The following FBXO34 variants were observed in gnomAD, a reference collection of about 807,000 sequenced individuals.
FBXO34 encodes the protein F-box protein 34.
Under a neutral mutation model 24.5 loss-of-function variants are expected in FBXO34, and 12 were observed. The observed-to-expected ratio is 0.49, with a 90% CI of 0.31 to 0.79. The LOEUF (loss-of-function observed/expected upper bound fraction) is 0.79, where lower values mean the gene tolerates loss of function less well. Ranked by LOEUF, FBXO34 falls within the 30% of genes least tolerant of loss-of-function variation. The pLI, the probability that FBXO34 is intolerant of heterozygous loss-of-function variation, is 0.04. For synonymous variants in FBXO34, 320 were observed against 311.9 expected (o/e 1.03, Z -0.27); for missense variants, 823 against 857.7 (o/e 0.96, Z 0.51).
downstream of FBXO34, chr14:55,370,055 A>G (rs10136596): frequency 0.42 from 324,769 of 772,688 alleles, 69,317 homozygotes; most frequent in South Asian, 0.44. Flanking sequence ...CCCCAAGTCT[A>G]TGCAGCACTC....
At chr14:55,346,551 A>G (rs1884166759) in intron 1 of FBXO34, among the ~76,000 whole-genome samples, 1 of 152,176 alleles carries the variant, frequency 6.6e-6, no homozygotes, top group African/African-American at 2.4e-5. Flanking sequence ...GTCACTGGAA[A>G]TGTTTGAGTT....
chr14:55,320,856 A>G (rs1254014346), intron 1 of FBXO34, among the ~76,000 whole-genome samples: 1 of 152,266 alleles, frequency 6.6e-6, no homozygotes, highest in East Asian at 1.9e-4. Flanking sequence ...TACTGTTGAG[A>G]TAGCAGATGG....
the FBXO34 span, among the ~76,000 whole-genome samples, chr14:55,387,931 G>A: frequency 2.0e-5 from 3 of 152,120 alleles, no homozygotes; most frequent in Non-Finnish European, 4.4e-5. Context: ...CAAAGTGCTG[G>A]GATTATAGGC....
intron 1 of FBXO34, among the ~76,000 whole-genome samples, chr14:55,335,726 A>G (rs1348045645): frequency 6.6e-6 from 1 of 152,218 alleles, no homozygotes; most frequent in Non-Finnish European, 1.5e-5. Context: ...AATGCTTATT[A>G]TACTTTTAAT....
intron 1 of FBXO34, among the ~76,000 whole-genome samples, chr14:55,332,313 C>A (rs1007956912): frequency 6.6e-6 from 1 of 151,868 alleles, no homozygotes; most frequent in Non-Finnish European, 1.5e-5. Flanking sequence ...ATTTTTCTCA[C>A]CTATACATTC....
intron 1 of FBXO34, among the ~76,000 whole-genome samples, chr14:55,276,809 G>A (rs963812668): frequency 2.6e-5 from 4 of 152,162 alleles, no homozygotes; most frequent in Non-Finnish European, 4.4e-5. Flanking sequence ...TGGGGACTGC[G>A]GATATAGCTT....
In FBXO34 at chr14:55,351,253, C is replaced by G; in HGVS notation, c.863C>G (p.Ser288Cys). The G allele has an allele frequency of 6.2e-7, 1 of 1,614,180 alleles. No homozygotes were observed. Among genetic ancestry groups the G allele is most frequent in the Non-Finnish European group, 8.5e-7 (1 of 1,180,040 alleles). The change falls in exon 2 of 2, where the codon TCT becomes TGT. Residue 288 changes from serine to cysteine, a missense_variant. Around this residue, in one of 2 missense-constraint regions of FBXO34, gnomAD observed 693 missense variants for 659.1 expected, o/e 1.05. Transcript: ENST00000313833. ...RVLDMVAKLE[S>C]ECLKRQGQRE... is the part of the protein sequence containing the mutation. ...CTTGACATGGTAGCCAAGTTGGAGT[C>G]TGAGTGCCTGAAGCGGCAGGGCCAG...
At chr14:55,364,828 C>T (rs905723840), downstream of FBXO34, among the ~76,000 whole-genome samples, 1 of 151,118 alleles carries the variant, frequency 6.6e-6, no homozygotes, top group African/African-American at 2.4e-5. Context: ...CCTCAACATC[C>T]CAGGCTCATG....
chr14:55,306,530 A>T (rs1479390409), intron 1 of FBXO34, among the ~76,000 whole-genome samples: 2 of 152,216 alleles, frequency 1.3e-5, no homozygotes, highest in African/African-American at 4.8e-5. Flanking sequence ...TGGTCTTTCA[A>T]ACTTTTGTTT....
chr14:55,350,906 C>T lies in FBXO34; in HGVS notation c.516C>T (p.Ser172=), dbSNP rs368021069. Residue 172 remains serine, a synonymous_variant, in exon 2 of 2, where the codon AGC becomes AGT. Coordinates refer to ENST00000313833, the MANE Select transcript of FBXO34 (RefSeq NM_017943.4). The part of the protein sequence containing the change: ...VQVERMREVN[S]RCYQPEPFAC... The stretch of plus-strand genomic sequence containing the variant: ...TGGAAAGGATGAGGGAGGTTAACAG[C>T]AGGTGCTACCAACCTGAGCCTTTTG... 78 of 1,613,588 alleles carry T rather than the reference C, an allele frequency of 4.8e-5. No homozygotes were observed. Among genetic ancestry groups the T allele is most frequent in the Non-Finnish European group, 6.1e-5 (72 of 1,179,836 alleles).
intron 1 of FBXO34, among the ~76,000 whole-genome samples, chr14:55,321,404 A>G (rs1883129908): frequency 6.6e-6 from 1 of 151,632 alleles, no homozygotes; most frequent in African/African-American, 2.4e-5. Context: ...ACAACTTGCA[A>G]TGTTTCTTTT....
chr14:55,337,559 A>G (rs1883825816), intron 1 of FBXO34, among the ~76,000 whole-genome samples: 1 of 152,236 alleles, frequency 6.6e-6, no homozygotes, highest in Non-Finnish European at 1.5e-5. Flanking sequence ...TGCTAAGTTG[A>G]TTTCAATACA....
the FBXO34 span, among the ~76,000 whole-genome samples, chr14:55,385,290 T>G: frequency 2.6e-5 from 4 of 151,202 alleles, no homozygotes; most frequent in South Asian, 2.1e-4. Context: ...GGTTCTCTGG[T>G]TTTTTTTTGT....
At chr14:55,380,662 GGT>G in the FBXO34 span, 1 of 1,608,746 alleles carries the variant, frequency 6.2e-7, no homozygotes, top group Non-Finnish European at 8.5e-7. Flanking sequence ...CAGCACTGAT[GGT>G]GTAGGCAGGG....
chr14:55,390,873 A>T, the FBXO34 span: 1 of 1,412,508 alleles, frequency 7.1e-7, no homozygotes, highest in Non-Finnish European at 9.8e-7. Context: ...CCACATAGGC[A>T]CTTTCTAGGG....
the FBXO34 span, among the ~76,000 whole-genome samples, chr14:55,433,070 C>T: frequency 7.9e-5 from 12 of 152,118 alleles, no homozygotes; most frequent in African/African-American, 2.9e-4. Flanking sequence ...GTTGTAGCAG[C>T]GCAGTTAAGT....
chr14:55,328,212 G>A (rs1473816022), intron 1 of FBXO34, among the ~76,000 whole-genome samples: 1 of 152,040 alleles, frequency 6.6e-6, no homozygotes, highest in Non-Finnish European at 1.5e-5. Context: ...ACCTGCCCCA[G>A]CATTCCAAAG....
chr14:55,428,869 G>A, the FBXO34 span: 2 of 1,614,140 alleles, frequency 1.2e-6, no homozygotes, highest in Admixed American at 3.3e-5. Context: ...TCACATCACA[G>A]CTTCCAACCA....
In FBXO34 at chr14:55,324,716, A is replaced by G. The variant is rs368717972; in HGVS notation, c.-10-25665A>G. On this transcript the variant is annotated intron_variant, in intron 1 of 1. Coordinates refer to ENST00000313833, the MANE Select transcript of FBXO34 (RefSeq NM_017943.4). ...GTGTGTATGCTATTTTCTGTTTCTGATGGGTGCCTTTTATTAAAGGAAAAG... is the reference window on the plus strand; with the variant it reads ...GTGTGTATGCTATTTTCTGTTTCTGGTGGGTGCCTTTTATTAAAGGAAAAG... Among the ~76,000 whole-genome samples the G allele has an allele frequency of 4.6e-5, 7 of 151,962 alleles. No individual in the cohort carries two copies. In the South Asian group the frequency reaches 1.2e-3, roughly 27 times the overall value.
Sources: gnomAD v4.1 joint callset for allele counts (sites outside exome capture counted in the v4.1 genomes callset) on GRCh38, gnomAD v4.1.1 for gene constraint, gnomAD v4.1.1 regional missense constraint, MANE v1.5 for transcripts, NCBI Gene and HGNC (gene_info 2026-07-23, HGNC 2026-07-21) for gene names.